Variants in PRICKLE2 observed in about 807,000 individuals in gnomAD.
PRICKLE2 encodes the protein prickle planar cell polarity protein 2.
A neutral mutation model predicts 81.4 loss-of-function variants in PRICKLE2; 21 were observed. That is an observed-to-expected ratio of 0.26 (90% CI 0.18 to 0.37). The LOEUF is 0.37. Among genes scored for constraint, PRICKLE2 ranks in the 10% least tolerant of loss-of-function variants. The pLI, the probability that PRICKLE2 is intolerant of heterozygous loss-of-function variation, is 1.00. For missense variants in PRICKLE2, 940 were observed against 1,109.0 expected (o/e 0.85, Z 2.16); for synonymous variants, 456 against 421.5 (o/e 1.08, Z -1.00).
Position 64,244,739 on chromosome 3 carries a change from G to T in PRICKLE2, c.129-45772C>A, listed in dbSNP as rs2079321138. Among the ~76,000 whole-genome samples, 4 of 152,002 alleles carry T rather than the reference G, an allele frequency of 2.6e-5. No individual in the cohort carries two copies. In the South Asian group the frequency reaches 8.3e-4, roughly 32 times the overall value. On this transcript the variant is annotated intron_variant, in intron 2 of 8. Transcript: ENST00000295902. ...CAAAACACAACTTAGCATGACCTAG[G>T]CTTCATCTGGTCACCAACATATAGC...
intron 2 of PRICKLE2, among the ~76,000 whole-genome samples, chr3:64,249,720 T>C (rs182814480): frequency 1.3e-5 from 2 of 152,344 alleles, no homozygotes; most frequent in East Asian, 3.9e-4. Context: ...CCCTCTCACC[T>C]TTTAAGGGCT....
intron 2 of PRICKLE2, among the ~76,000 whole-genome samples, chr3:64,244,764 C>G (rs912822202): frequency 1.3e-5 from 2 of 152,018 alleles, no homozygotes; most frequent in Non-Finnish European, 2.9e-5. Context: ...CAACATATAG[C>G]AGAAATATAG....
At chr3:64,108,571 G>A (rs1158640875) in intron 7 of PRICKLE2, among the ~76,000 whole-genome samples, 1 of 152,098 alleles carries the variant, frequency 6.6e-6, no homozygotes, top group African/African-American at 2.4e-5. Flanking sequence ...GAATGCACTC[G>A]AAAGTGTGAT....
intron 2 of PRICKLE2, among the ~76,000 whole-genome samples, chr3:64,261,871 G>T (rs2079619888): frequency 6.6e-6 from 1 of 152,132 alleles, no homozygotes; most frequent in African/African-American, 2.4e-5. Flanking sequence ...CTGTCTGAAG[G>T]TGTTAAACAG....
intron 2 of PRICKLE2, among the ~76,000 whole-genome samples, chr3:64,172,492 G>A (rs1418079839): frequency 6.6e-6 from 1 of 152,174 alleles, no homozygotes; most frequent in African/African-American, 2.4e-5. Flanking sequence ...CATGTAGTTG[G>A]GCAAGTTATT....
At position 64,099,373 on chromosome 3, in the gene PRICKLE2, T is replaced by C. The variant is rs766757910; in HGVS notation, c.2213A>G (p.His738Arg). 56 of 1,610,544 alleles carry C rather than the reference T, an allele frequency of 3.5e-5. No homozygotes were observed. Among genetic ancestry groups the C allele is most frequent in the South Asian group, 4.4e-5 (4 of 91,028 alleles). Residue 738 changes from histidine (H) to arginine (R), a missense_variant, in exon 8 of 8, where the codon CAT becomes CGT. By Grantham distance (29) the His-to-Arg change is conservative (BLOSUM62 0). Transcript: ENST00000638394. The surrounding 1 kb of genome is among the most constrained non-coding windows in gnomAD (Gnocchi z 4.3). ...RQRSFQESMGHGSRRDLYGQC... is the reference protein window; with the variant it reads ...RQRSFQESMGRGSRRDLYGQC... ...GCCGTACAGGTCCCTCCGGGACCCA[T>C]GCCCCATGCTCTCCTGGAAGCTCCG...
chr3:64,226,147 A>G (rs1326257054), upstream of PRICKLE2, among the ~76,000 whole-genome samples: 2 of 152,146 alleles, frequency 1.3e-5, no homozygotes, highest in African/African-American at 4.8e-5. Flanking sequence ...CATTGCTTCC[A>G]TCTCCTCATT....
intron 2 of PRICKLE2, among the ~76,000 whole-genome samples, chr3:64,231,042 A>G (rs981022688): frequency 1.3e-5 from 2 of 152,174 alleles, no homozygotes; most frequent in African/African-American, 4.8e-5. Flanking sequence ...TGTGAAAAAT[A>G]ATTTGGTACA....
Position 64,155,197 on chromosome 3 carries a change from A to C in PRICKLE2, c.601-1829T>G, listed in dbSNP as rs187198195. 3.2e-3 allele frequency among the ~76,000 whole-genome samples: 344 copies of C among 109,174 alleles called. 1 individual carries two copies. Among genetic ancestry groups the C allele is most frequent in the African/African-American group, 9.4e-3 (338 of 35,786 alleles). 71.6% of individuals were successfully genotyped at this position (109,174 alleles called of 152,430 possible). The stretch of plus-strand genomic sequence containing the variant: ...GGAAAAATAACCCAATTGAAAAGGT[A>C]GTCAAAAAATTTAAATTAAAAAAAT... On this transcript the variant is annotated intron_variant, in intron 5 of 7. Transcript: ENST00000638394.
intron 5 of PRICKLE2, 47 bp downstream of exon 5, chr3:64,157,115 C>A (rs200292506): frequency 2.0e-6 from 3 of 1,533,480 alleles, no homozygotes; most frequent in Non-Finnish European, 1.8e-6. Flanking sequence ...GGCTATGGTG[C>A]AATGAAGGGG....
Position 64,147,278 on chromosome 3 carries a change from C to T in PRICKLE2, c.1212G>A (p.Gly404=). The T allele has an allele frequency of 6.2e-7, 1 of 1,612,548 alleles. No individual in the cohort carries two copies. The highest frequency in any genetic ancestry group is 8.5e-7 in the Non-Finnish European group (1 of 1,178,886). ...GGGTCTGGTTCTGCTCCATCTTGTT[C>T]CCATAATGGTAGGGCTCTTCCCGGC... ...WRSREEPYHY[G]NKMEQNQTQS... Residue 404 remains glycine, a synonymous_variant, in exon 7 of 8, where the codon GGG becomes GGA. Transcript: ENST00000638394. This position sits in a 1 kb window ranked among gnomAD's most constrained non-coding sequence, Gnocchi z 5.0.
At chr3:64,110,542 G>C (rs1319445598) in intron 7 of PRICKLE2, among the ~76,000 whole-genome samples, 1 of 152,186 alleles carries the variant, frequency 6.6e-6, no homozygotes, top group East Asian at 1.9e-4. Context: ...GGAAATAAAG[G>C]GGATGCTATG....
intron 2 of PRICKLE2, among the ~76,000 whole-genome samples, chr3:64,258,845 AAAAGAAAGAAAG>A (rs572884974): frequency 0.018 from 620 of 33,978 alleles, 8 homozygotes; most frequent in African/African-American, 0.019. Flanking sequence ...AAAAAAAAAA[AAAAGAAAGAAAG>A]AAAGAAAGAA....
intron 2 of PRICKLE2, chr3:64,174,587 A>G (rs570629938): frequency 6.1e-6 from 1 of 163,336 alleles, no homozygotes; most frequent in East Asian, 1.8e-4. Flanking sequence ...ACTTGCTGTC[A>G]CCCTATTTTA....
At position 64,147,366 on chromosome 3, in the gene PRICKLE2, T is replaced by C. The variant is rs1220647113; in HGVS notation, c.1124A>G (p.Gln375Arg). The change falls in exon 7 of 8, where the codon CAG (glutamine) becomes CGG (arginine). Residue 375 changes from glutamine (Q) to arginine (R), a missense_variant. Physicochemically the swap from Gln to Arg is conservative, Grantham distance 43. This residue lies in a region of PRICKLE2 where 670 missense variants were observed against 717.2 expected (regional missense o/e 0.93). Coordinates refer to ENST00000638394, the MANE Select transcript of PRICKLE2 (RefSeq NM_198859.4). The surrounding 1 kb of genome is among the most constrained non-coding windows in gnomAD (Gnocchi z 5.0). ...GCTGGACAGGCTGAGCATGTCCATCTGCAGTGACAGGGGGTCTACGTCGGC... is the reference window on the plus strand; with the variant it reads ...GCTGGACAGGCTGAGCATGTCCATCCGCAGTGACAGGGGGTCTACGTCGGC... The part of the protein sequence containing the change: ...LSADVDPLSL[Q>R]MDMLSLSSQT... 2 of 1,614,226 alleles carry C rather than the reference T, an allele frequency of 1.2e-6. No individual in the cohort carries two copies. The highest frequency in any genetic ancestry group is 1.1e-5 in the South Asian group (1 of 91,086).
intron 2 of PRICKLE2, among the ~76,000 whole-genome samples, chr3:64,183,981 C>T (rs1028026308): frequency 2.6e-5 from 4 of 152,186 alleles, no homozygotes; most frequent in Admixed American, 2.6e-4. Flanking sequence ...AAGTCATGTA[C>T]GTTCTCTGAG....
Position 64,157,308 on chromosome 3 carries a change from C to G in PRICKLE2, c.454G>C (p.Gly152Arg). The change falls in exon 5 of 8, where the codon GGC becomes CGC. Residue 152 changes from glycine to arginine, a missense_variant. Coordinates refer to ENST00000638394, the MANE Select transcript of PRICKLE2 (RefSeq NM_198859.4). ...IAVFASRAGH[G>R]VCWHPPCFVC... is the part of the protein sequence containing the mutation. ...AAGCACGGCGGGTGCCAGCAAACGC[C>G]GTGGCCAGCGCGTGACGCAAACACA... is the stretch of plus-strand genomic sequence containing the variant. 8 of 1,614,048 alleles carry G rather than the reference C, an allele frequency of 5.0e-6. No individual in the cohort carries two copies. The highest frequency in any genetic ancestry group is 6.8e-6 in the Non-Finnish European group (8 of 1,180,028).
intron 2 of PRICKLE2, among the ~76,000 whole-genome samples, chr3:64,177,523 T>C (rs2078047715): frequency 6.6e-6 from 1 of 152,074 alleles, no homozygotes; most frequent in Admixed American, 6.6e-5. Context: ...TCACAAAACT[T>C]TTTCATCATG....
intron 2 of PRICKLE2, among the ~76,000 whole-genome samples, chr3:64,177,222 G>A (rs183006432): frequency 2.5e-4 from 30 of 121,950 alleles, no homozygotes; most frequent in Non-Finnish European, 3.2e-4. Context: ...TGCAACCTCC[G>A]TCTCCCGGGT....
Sources: gnomAD v4.1 joint callset for allele counts (sites outside exome capture counted in the v4.1 genomes callset) on GRCh38, gnomAD v4.1.1 for gene constraint, gnomAD v4.1.1 regional missense constraint, Gnocchi (gnomAD v3.1) non-coding constraint, MANE v1.5 for transcripts, NCBI Gene and HGNC (gene_info 2026-07-23, HGNC 2026-07-21) for gene names.